GPM6A: variants seen among roughly 807,000 people sequenced by gnomAD.
GPM6A encodes glycoprotein M6A.
A neutral mutation model predicts 32.1 loss-of-function variants in GPM6A; 7 were observed. The ratio of observed to expected loss-of-function variants is 0.22; its 90% confidence interval spans 0.12 to 0.41. The LOEUF (loss-of-function observed/expected upper bound fraction) is 0.41. Ranked by LOEUF, GPM6A falls within the 10% of genes least tolerant of loss-of-function variation. The pLI is 1.00. For synonymous variants in GPM6A, 130 were observed against 123.4 expected, an observed-to-expected ratio of 1.05 and a Z score of -0.35; for missense variants, 235 against 347.2, an observed-to-expected ratio of 0.68 and a Z score of 2.57.
chr4:175,874,357 G>A (rs187871891), intron 1 of GPM6A, among the ~76,000 whole-genome samples: 249 of 152,284 alleles, frequency 1.6e-3, no homozygotes, highest in African/African-American at 5.7e-3. Flanking sequence ...AAGCTGAAAA[G>A]GGAACTATTT....
At chr4:175,795,870 T>C (rs1734203983) in intron 1 of GPM6A, 1 of 152,296 alleles carries the variant, frequency 6.6e-6, no homozygotes, top group Non-Finnish European at 1.5e-5. Context: ...CACCATGGCA[T>C]GAGGCAGCCC....
At chr4:175,981,005 A>G (rs542019175) in intron 1 of GPM6A, among the ~76,000 whole-genome samples, 2 of 152,230 alleles carry the variant, frequency 1.3e-5, no homozygotes, top group Admixed American at 6.5e-5. Context: ...GATTTTGTAC[A>G]TTGTATGAAA....
chr4:175,832,476 T>C (rs1370069615), intron 1 of GPM6A, among the ~76,000 whole-genome samples: 2 of 151,784 alleles, frequency 1.3e-5, no homozygotes, highest in Non-Finnish European at 2.9e-5. Flanking sequence ...GTTTTTATTA[T>C]GCATCATAAA....
At chr4:175,765,471 C>G (rs1162887936) in intron 1 of GPM6A, among the ~76,000 whole-genome samples, 1 of 152,136 alleles carries the variant, frequency 6.6e-6, no homozygotes, top group Non-Finnish European at 1.5e-5. Flanking sequence ...CTGTAAAGAT[C>G]AAATCAAGAT....
At chr4:175,852,300 A>G (rs983694774) in intron 1 of GPM6A, among the ~76,000 whole-genome samples, 2 of 152,172 alleles carry the variant, frequency 1.3e-5, no homozygotes, top group African/African-American at 4.8e-5. Flanking sequence ...GAAATTTTGG[A>G]AGGCTTACAT....
rs531235921 is a variant in GPM6A at position 175,765,134 on chromosome 4, C to G, written c.37+47057G>C. 9.9e-5 allele frequency among the ~76,000 whole-genome samples: 15 copies of G among 152,036 alleles called. No homozygotes were observed. In the South Asian group the frequency reaches 3.1e-3, roughly 32 times the overall value. Reference sequence around the variant, plus strand: ...GGTGATCCACCCACCTCGGCCCCCACAAAGTGTTGGGATTACAGGCTTGAG... The same window carrying G: ...GGTGATCCACCCACCTCGGCCCCCAGAAAGTGTTGGGATTACAGGCTTGAG... On this transcript the variant is annotated intron_variant, in intron 1 of 6. Transcript: ENST00000393658.
At chr4:175,878,554 C>T (rs1215350664) in intron 1 of GPM6A, among the ~76,000 whole-genome samples, 2 of 152,142 alleles carry the variant, frequency 1.3e-5, no homozygotes, top group Non-Finnish European at 2.9e-5. Context: ...ATCTTGGCCT[C>T]TTTTAGCCAC....
intron 1 of GPM6A, among the ~76,000 whole-genome samples, chr4:175,884,806 T>A (rs1185610637): frequency 6.6e-6 from 1 of 152,160 alleles, no homozygotes; most frequent in Non-Finnish European, 1.5e-5. Flanking sequence ...AGTGCTGGGA[T>A]TACAGGGGTT....
At chr4:175,990,074 A>G (rs62340604) in intron 1 of GPM6A, among the ~76,000 whole-genome samples, 25,889 of 152,112 alleles carry the variant, frequency 0.17, 2,482 homozygotes, top group Non-Finnish European at 0.22. Flanking sequence ...AATTAATTGG[A>G]AGTTACCAGA....
intron 1 of GPM6A, among the ~76,000 whole-genome samples, chr4:175,956,124 T>C (rs1348342076): frequency 6.6e-6 from 1 of 152,112 alleles, no homozygotes; most frequent in Non-Finnish European, 1.5e-5. Context: ...CTCTACAATA[T>C]ACATTAGAAG....
At chr4:175,759,675 A>G (rs982342483) in intron 1 of GPM6A, among the ~76,000 whole-genome samples, 8 of 152,188 alleles carry the variant, frequency 5.3e-5, no homozygotes, top group Non-Finnish European at 8.8e-5. Context: ...GGGGTTTGTG[A>G]AGGGCTAAAT....
rs905326343 is a variant in GPM6A, at chr4:175,898,322, A to T, written c.-22-86073T>A. On this transcript the variant is annotated intron_variant, in intron 1 of 7. Coordinates refer to the GPM6A transcript ENST00000280187. Reference sequence around the variant, plus strand: ...ATAATTACAAGTTCCCCAAGACCTGACACCCAACTACCTCTGACCTACTTC... The same window carrying T: ...ATAATTACAAGTTCCCCAAGACCTGTCACCCAACTACCTCTGACCTACTTC... 2.0e-5 allele frequency among the ~76,000 whole-genome samples: 3 copies of T among 152,192 alleles called. No homozygotes were observed. In the East Asian group the frequency reaches 5.8e-4, roughly 29 times the overall value.
Position 175,727,317 on chromosome 4 carries a change from C to T in GPM6A, c.38-25550G>A, listed in dbSNP as rs575701554. Among the ~76,000 whole-genome samples the T allele has an allele frequency of 3.3e-5, 5 of 152,268 alleles. No individual in the cohort carries two copies. In the South Asian group the frequency reaches 1.0e-3, roughly 32 times the overall value. ...AAGTTCTACTACGGCGGTTAGTTCA[C>T]TCATATCAGAACGTGTACAGTGTAA... On this transcript the variant is annotated intron_variant, in intron 1 of 6. Coordinates refer to ENST00000393658, the MANE Select transcript of GPM6A (RefSeq NM_201591.3).
At chr4:175,869,705 C>T (rs552064563) in intron 1 of GPM6A, among the ~76,000 whole-genome samples, 166 of 151,754 alleles carry the variant, frequency 1.1e-3, no homozygotes, top group Middle Eastern at 3.4e-3. Context: ...TGCAGTGAGC[C>T]GAGATCATGC....
At chr4:175,937,637 A>G (rs1180157816) in intron 1 of GPM6A, among the ~76,000 whole-genome samples, 3 of 152,150 alleles carry the variant, frequency 2.0e-5, no homozygotes, top group Non-Finnish European at 4.4e-5. Context: ...GTGATCACCT[A>G]TGGGTTGGAG....
intron 1 of GPM6A, among the ~76,000 whole-genome samples, chr4:175,839,945 T>C (rs1735885847): frequency 6.6e-6 from 1 of 152,212 alleles, no homozygotes; most frequent in Admixed American, 6.5e-5. Flanking sequence ...TTGAAAATTA[T>C]AATTCCTGAA....
chr4:175,638,343 T>A (rs1740936002), intron 6 of GPM6A, among the ~76,000 whole-genome samples: 1 of 152,020 alleles, frequency 6.6e-6, no homozygotes, highest in Non-Finnish European at 1.5e-5. Context: ...GCTAATAAAT[T>A]GGAAATACTT....
intron 1 of GPM6A, chr4:175,906,796 G>C (rs187861568): frequency 6.6e-6 from 1 of 152,120 alleles, no homozygotes; most frequent in Admixed American, 6.6e-5. Flanking sequence ...ACCCTGATGA[G>C]AACCCAAATT....
intron 1 of GPM6A, among the ~76,000 whole-genome samples, chr4:175,720,008 A>T (rs1473853387): frequency 6.6e-6 from 1 of 152,204 alleles, no homozygotes; most frequent in Non-Finnish European, 1.5e-5. Context: ...TTCTATTACA[A>T]TCTGCCTGAG....
Sources: allele counts gnomAD v4.1 joint callset (sites outside exome capture counted in the v4.1 genomes callset), GRCh38; gene constraint gnomAD v4.1.1; transcripts MANE v1.5; gene names NCBI Gene and HGNC (gene_info 2026-07-23, HGNC 2026-07-21).